HOTAIR: variants seen among roughly 807,000 people sequenced by gnomAD.
HOTAIR encodes HOX transcript antisense RNA (non-protein coding).
exon 7 of HOTAIR, chr12:53,963,890 C>G (rs1466145508): frequency 6.6e-6 from 1 of 152,250 alleles, no homozygotes; most frequent in Non-Finnish European, 1.5e-5. Flanking sequence ...CCCTTTTCCT[C>G]ATGGAACACC....
At chr12:53,970,267 TTG>T (rs1939126919) in intron 1 of HOTAIR, among the ~76,000 whole-genome samples, 1 of 152,190 alleles carries the variant, frequency 6.6e-6, no homozygotes, top group Non-Finnish European at 1.5e-5. Flanking sequence ...TGGAGCGGGC[TTG>T]ACAAGGAAGG....
chr12:53,964,222 A>C (rs199680547), intron 6 of HOTAIR: 25 of 149,394 alleles, frequency 1.7e-4, no homozygotes, highest in South Asian at 6.3e-4. Flanking sequence ...TAAAAAAAAA[A>C]CAACAAACCT....
chr12:53,965,744 G>GGAAA (rs915119663), intron 5 of HOTAIR, among the ~76,000 whole-genome samples: 1 of 151,836 alleles, frequency 6.6e-6, no homozygotes, highest in African/African-American at 2.4e-5. Context: ...AGAAAAAGAA[G>GGAAA]GAAGGAAGGA....
chr12:53,963,965 C>T (rs547139015), exon 7 of HOTAIR: 1 of 91,052 alleles, frequency 1.1e-5, no homozygotes, highest in Admixed American at 1.1e-4. Context: ...TTGCCCTCTG[C>T]CACGTTTGTT....
At chr12:53,974,345 G>T (rs1939209596) in intron 1 of HOTAIR, among the ~76,000 whole-genome samples, 1 of 151,680 alleles carries the variant, frequency 6.6e-6, no homozygotes, top group South Asian at 2.1e-4. Flanking sequence ...AAAGGGGAGG[G>T]CGAGGGAAAG....
chr12:53,967,322 G>T (rs1360941798), exon 3 of HOTAIR: 3 of 152,118 alleles, frequency 2.0e-5, no homozygotes, highest in African/African-American at 7.2e-5. Context: ...TCTAAGTCCC[G>T]GGTGGGAGCC....
rs1565713891 is a variant in HOTAIR, at chr12:53,973,095, C to CTGA, written n.59+1800_59+1802dup. 1 of 622,440 alleles carries CTGA rather than the reference C, an allele frequency of 1.6e-6. No individual in the cohort carries two copies. The highest frequency in any genetic ancestry group is 2.7e-6 in the Non-Finnish European group (1 of 369,508). The allele number at this position is 622,440 out of a possible 1,614,324, so 38.6% of individuals were successfully genotyped here. On this transcript the variant is annotated intron_variant and non_coding_transcript_variant, in intron 1 of 6. Transcript: ENST00000424518. This position sits in a 1 kb window ranked among gnomAD's most constrained non-coding sequence, Gnocchi z 4.3. ...TCCTACGTCTGCGAAGTGCTCCGAA[C>CTGA]TGATATATGACAATATCTACTTTGG... is the stretch of plus-strand genomic sequence containing the variant.
At chr12:53,964,746 G>A (rs1939020050) in intron 5 of HOTAIR, among the ~76,000 whole-genome samples, 1 of 152,210 alleles carries the variant, frequency 6.6e-6, no homozygotes, top group African/African-American at 2.4e-5. Flanking sequence ...AAAGGAGACA[G>A]TAGGGTCTCC....
At chr12:53,965,964 C>T (rs529367168) in exon 5 of HOTAIR, 2 of 152,308 alleles carry the variant, frequency 1.3e-5, no homozygotes, top group Non-Finnish European at 2.9e-5. Context: ...AGCATCGTAC[C>T]TTATAAGGAA....
In HOTAIR at chr12:53,973,718, C is replaced by T. The variant is rs1269104182; in HGVS notation, n.59+1180G>A. 3.1e-6 allele frequency: 5 copies of T among 1,613,194 alleles called. No individual in the cohort carries two copies. The South Asian group carries it at 5.5e-5, about 18-fold the overall frequency. On this transcript the variant is annotated intron_variant and non_coding_transcript_variant, in intron 1 of 6. Transcript: ENST00000424518. This position sits in a 1 kb window ranked among gnomAD's most constrained non-coding sequence, Gnocchi z 4.3. ...TCGACCGTTTCTTCGACAACGCCTA[C>T]TGCGGTGGCGGCGACCCGCCCGCCG...
At position 53,973,273 on chromosome 12, in the gene HOTAIR, G is replaced by A; in HGVS notation, n.59+1625C>T. ...AACTCGGTCAACCTGGGCAACTTCT[G>A]CTCTCCGTCGCGCAAGGAGAGGGGC... On this transcript the variant is annotated intron_variant and non_coding_transcript_variant, in intron 1 of 6. Transcript: ENST00000424518. The surrounding 1 kb of genome is among the most constrained non-coding windows in gnomAD (Gnocchi z 4.3). 6.2e-7 allele frequency: 1 copy of A among 1,612,260 alleles called. No individual in the cohort carries two copies. The highest frequency in any genetic ancestry group is 2.2e-5 in the East Asian group (1 of 44,856).
chr12:53,965,024 T>C (rs1339548973), intron 5 of HOTAIR, among the ~76,000 whole-genome samples: 1 of 152,186 alleles, frequency 6.6e-6, no homozygotes, highest in Non-Finnish European at 1.5e-5. Flanking sequence ...CAAGATATGA[T>C]TAGAGTTAAT....
At chr12:53,967,050 CTCGT>C (rs1453917828) in intron 3 of HOTAIR, among the ~76,000 whole-genome samples, 1 of 152,202 alleles carries the variant, frequency 6.6e-6, no homozygotes, top group Non-Finnish European at 1.5e-5. Flanking sequence ...GACCTCACAG[CTCGT>C]TTTCGCCTCC....
chr12:53,971,583 G>A (rs544702396), intron 1 of HOTAIR, among the ~76,000 whole-genome samples: 1 of 152,242 alleles, frequency 6.6e-6, no homozygotes, highest in African/African-American at 2.4e-5. Context: ...GAGGGTTATG[G>A]ATGTAAAGAG....
Position 53,973,685 on chromosome 12 carries a change from T to A in HOTAIR, n.59+1213A>T. On this transcript the variant is annotated intron_variant and non_coding_transcript_variant, in intron 1 of 6. Transcript: ENST00000424518. This position sits in a 1 kb window ranked among gnomAD's most constrained non-coding sequence, Gnocchi z 4.3. ...CAGTCAACAAGAACAGCGTCCTGCC[T>A]CAAGCCTTCGACCGTTTCTTCGACA... 3 of 1,613,606 alleles carry A rather than the reference T, an allele frequency of 1.9e-6. No homozygotes were observed. The highest frequency in any genetic ancestry group is 2.5e-6 in the Non-Finnish European group (3 of 1,180,020).
At chr12:53,969,860 C>T (rs990205879) in intron 1 of HOTAIR, among the ~76,000 whole-genome samples, 4 of 152,132 alleles carry the variant, frequency 2.6e-5, no homozygotes, top group Admixed American at 2.0e-4. Flanking sequence ...GGGATGGGCT[C>T]CTTTCCCTAC....
chr12:53,967,386 T>G (rs1234548857), exon 3 of HOTAIR: 4 of 152,210 alleles, frequency 2.6e-5, no homozygotes, highest in African/African-American at 9.7e-5. Context: ...TGCCTGGTGC[T>G]CTCTTACCCT....
At chr12:53,962,761 G>GC (rs1938975506) in exon 7 of HOTAIR, 2 of 151,934 alleles carry the variant, frequency 1.3e-5, no homozygotes, top group Admixed American at 6.6e-5. Flanking sequence ...CCCCTTCTGT[G>GC]TCTACATGCA....
intron 1 of HOTAIR, among the ~76,000 whole-genome samples, chr12:53,972,328 G>T (rs1939161347): frequency 6.6e-6 from 1 of 152,198 alleles, no homozygotes; most frequent in South Asian, 2.1e-4. Flanking sequence ...ATAAAGGCAG[G>T]CATGAAATAT....
Sources: allele counts gnomAD v4.1 joint callset (sites outside exome capture counted in the v4.1 genomes callset), GRCh38; gene constraint gnomAD v4.1.1; non-coding constraint Gnocchi (gnomAD v3.1); transcripts MANE v1.5; gene names NCBI Gene and HGNC (gene_info 2026-07-23, HGNC 2026-07-21).